CENPF: variants seen among roughly 807,000 people sequenced by gnomAD.
The protein encoded by CENPF is AH antigen.
A neutral mutation model predicts 307.3 loss-of-function variants in CENPF; 214 were observed. That is an observed-to-expected ratio of 0.70 (90% CI 0.62 to 0.78). The LOEUF (loss-of-function observed/expected upper bound fraction) is 0.78, where lower values mean the gene tolerates loss of function less well. Ranked by LOEUF, CENPF falls within the 30% of genes least tolerant of loss-of-function variation. CENPF has a pLI of 0.00. For synonymous variants in CENPF, 1,259 were observed against 1,270.6 expected (o/e 0.99, Z 0.19); for missense variants, 3,401 against 3,483.9 (o/e 0.98, Z 0.60).
chr1:214,646,024 C>T lies in CENPF; in HGVS notation c.6454C>T (p.Leu2152Phe). ...LKERERENDS[L>F]KDKVENLERE... Reference sequence around the variant, plus strand: ...AGAACGCGAGCGGGAGAATGATTCACTTAAGGATAAAGTTGAGAACCTTGA... The same window carrying T: ...AGAACGCGAGCGGGAGAATGATTCATTTAAGGATAAAGTTGAGAACCTTGA... The change falls in exon 13 of 20, where the codon CTT becomes TTT. Residue 2152 changes from leucine to phenylalanine, a missense_variant. Transcript: ENST00000366955. 6.2e-7 allele frequency: 1 copy of T among 1,614,076 alleles called. No homozygotes were observed. Among genetic ancestry groups the T allele is most frequent in the Non-Finnish European group, 8.5e-7 (1 of 1,180,040 alleles).
At position 214,630,532 on chromosome 1, in the gene CENPF, A is replaced by G. The variant is rs1571707321; in HGVS notation, c.1195-2A>G. On this transcript the variant is annotated splice_acceptor_variant, in intron 8 of 19. Coordinates refer to ENST00000366955, the MANE Select transcript of CENPF (RefSeq NM_016343.4). LOFTEE classifies it high-confidence loss of function. ...CTGATGCACCTGCCCTTTGTTTTTC[A>G]GGAGCTCTCCCGTCAACAGCGTTCT... 6.2e-7 allele frequency: 1 copy of G among 1,613,934 alleles called. No individual in the cohort carries two copies. Among genetic ancestry groups the G allele is most frequent in the South Asian group, 1.1e-5 (1 of 91,042 alleles).
At chr1:214,637,611 G>A (rs1657997396) in intron 10 of CENPF, among the ~76,000 whole-genome samples, 1 of 152,084 alleles carries the variant, frequency 6.6e-6, no homozygotes, top group African/African-American at 2.4e-5. Context: ...ATAGGCGTAT[G>A]AACAATGAGA....
Position 214,646,879 on chromosome 1 carries a change from A to G in CENPF, c.7309A>G (p.Ser2437Gly). The change falls in exon 13 of 20, where the codon AGC becomes GGC. Residue 2437 changes from serine (S) to glycine (G), a missense_variant. Physicochemically the swap from Ser to Gly is moderately conservative, Grantham distance 56 (BLOSUM62 0). Transcript: ENST00000366955. ...GAAAGTACAGATGAAAGAAAAATCA[A>G]GCACTGCCATGGAGATGCTTCAAAC... ...QEKVQMKEKS[S>G]TAMEMLQTQL... The G allele has an allele frequency of 1.9e-6, 3 of 1,613,854 alleles. No individual in the cohort carries two copies. The highest frequency in any genetic ancestry group is 2.5e-6 in the Non-Finnish European group (3 of 1,179,928).
intron 1 of CENPF, among the ~76,000 whole-genome samples, chr1:214,609,199 C>A (rs555189204): frequency 6.6e-6 from 1 of 152,276 alleles, no homozygotes; most frequent in South Asian, 2.1e-4. Context: ...GCCGCAGCTC[C>A]CCCCGAAGAA....
intron 3 of CENPF, among the ~76,000 whole-genome samples, chr1:214,615,893 C>T (rs1212216414): frequency 2.0e-5 from 3 of 151,882 alleles, no homozygotes; most frequent in African/African-American, 4.8e-5. Flanking sequence ...GAGCCGAGTT[C>T]GTGCCATATC....
chr1:214,607,964 C>T (rs1357682098), intron 1 of CENPF, among the ~76,000 whole-genome samples: 1 of 152,188 alleles, frequency 6.6e-6, no homozygotes, highest in Non-Finnish European at 1.5e-5. Context: ...GCCGATGGGG[C>T]CCCAGCCACA....
At chr1:214,620,978 CTT>C (rs1424076257) in intron 6 of CENPF, 32 bp downstream of exon 6, 1 of 1,560,528 alleles carries the variant, frequency 6.4e-7, no homozygotes, top group Non-Finnish European at 8.7e-7. Flanking sequence ...TTTAAATTCA[CTT>C]TGCTTGAGGT....
Position 214,642,121 on chromosome 1 carries a change from T to G in CENPF, c.3783T>G (p.Leu1261=). Residue 1261 remains leucine (L), a synonymous_variant, in exon 12 of 20, where the codon CTT becomes CTG. Transcript: ENST00000366955. The stretch of plus-strand genomic sequence containing the variant: ...TGCAGTCACAAGAAATTAGTGGCCT[T>G]AAAGACTGTGAAATAGATGCGGAAG... The part of the protein sequence containing the change: ...QDMQSQEISG[L]KDCEIDAEEK... 1.2e-6 allele frequency: 2 copies of G among 1,613,810 alleles called. No homozygotes were observed. The highest frequency in any genetic ancestry group is 1.7e-6 in the Non-Finnish European group (2 of 1,179,926).
At position 214,645,192 on chromosome 1, in the gene CENPF, A is replaced by C. The variant is rs376264816; in HGVS notation, c.5622A>C (p.Ala1874=). ...TCAATTCTGATTTAGAAATGCATGC[A>C]GATAAATCATCACGTGAAGATATTG... ...EGLNSDLEMH[A]DKSSREDIGD... Residue 1874 remains alanine (A), a synonymous_variant, in exon 13 of 20, where the codon GCA becomes GCC. Coordinates refer to ENST00000366955, the MANE Select transcript of CENPF (RefSeq NM_016343.4). 1.2e-5 allele frequency: 19 copies of C among 1,613,928 alleles called. No individual in the cohort carries two copies. In the African/African-American group the frequency reaches 2.4e-4, roughly 20 times the overall value.
chr1:214,642,778 T>C lies in CENPF; in HGVS notation c.4440T>C (p.Cys1480=). 6.2e-7 allele frequency: 1 copy of C among 1,614,028 alleles called. No homozygotes were observed. The highest frequency in any genetic ancestry group is 1.1e-5 in the South Asian group (1 of 91,066). ...TCGTTCCATCCCTGTCATCCTCTTG[T>C]GTGCCTGACAGCTCTAGTCTTAGCA... ...EGLVPSLSSS[C]VPDSSSLSSL... The change falls in exon 12 of 20, where the codon TGT becomes TGC. Residue 1480 remains cysteine, a synonymous_variant. Coordinates refer to ENST00000366955, the MANE Select transcript of CENPF (RefSeq NM_016343.4).
chr1:214,613,618 A>C, intron 1 of CENPF, 96 bp from the exon 2 acceptor site: 1 of 866,960 alleles, frequency 1.2e-6, no homozygotes, highest in Non-Finnish European at 1.7e-6. Context: ...TGGTCTTGAA[A>C]CTTGATTTTT....
chr1:214,632,718 T>C (rs1657844423), intron 10 of CENPF, 116 bp downstream of exon 10: 6 of 1,215,464 alleles, frequency 4.9e-6, no homozygotes, highest in African/African-American at 1.5e-5. Flanking sequence ...CTTTTTCTTT[T>C]CTATTCACCA....
chr1:214,621,690 T>C (rs748252980), intron 6 of CENPF, among the ~76,000 whole-genome samples: 4 of 152,348 alleles, frequency 2.6e-5, no homozygotes, highest in Non-Finnish European at 5.9e-5. Context: ...TGCTTAGCAC[T>C]GATTTGCATT....
At chr1:214,615,070 G>T in intron 3 of CENPF, 42 bp downstream of exon 3, 1 of 1,340,300 alleles carries the variant, frequency 7.5e-7, no homozygotes, top group Non-Finnish European at 1.0e-6. Context: ...ATATTTGTAT[G>T]TATTAATCAG....
chr1:214,643,258 A>G lies in CENPF; in HGVS notation c.4920A>G (p.Val1640=). 6.4e-7 allele frequency: 1 copy of G among 1,574,720 alleles called. No individual in the cohort carries two copies. The highest frequency in any genetic ancestry group is 8.6e-7 in the Non-Finnish European group (1 of 1,165,136). ...QTEQLSLELE[V]ARLQLQGLDL... ...AACAACTGTCACTTGAGCTGGAAGT[A>G]GCACGACTCCAGCTACAAGGTCTGG... is the stretch of plus-strand genomic sequence containing the variant. The change falls in exon 12 of 20, where the codon GTA becomes GTG. Residue 1640 remains valine (V), a synonymous_variant. Transcript: ENST00000366955.
At chr1:214,627,576 A>G (rs1254094540) in intron 7 of CENPF, among the ~76,000 whole-genome samples, 1 of 151,564 alleles carries the variant, frequency 6.6e-6, no homozygotes, top group Non-Finnish European at 1.5e-5. Context: ...GGGTTTCACC[A>G]TGTTGGCCAG....
chr1:214,611,551 A>G (rs924057145), intron 1 of CENPF, among the ~76,000 whole-genome samples: 2 of 152,216 alleles, frequency 1.3e-5, no homozygotes, highest in South Asian at 4.2e-4. Flanking sequence ...TTTTTAGTAG[A>G]GATGGGGTTT....
In CENPF at chr1:214,606,018, C is replaced by T. The variant is rs535324109; in HGVS notation, c.-42+2697C>T. The T allele has an allele frequency of 4.5e-4, 714 of 1,596,532 alleles. 2 individuals are homozygous for T. The African/African-American group carries it at 8.6e-3, about 19-fold the overall frequency. ...CACTCGTAGCGCGAGGCCAGGTCCA[C>T]GGTGGGCACCGTGCCGATGCTCTGC... On this transcript the variant is annotated intron_variant, in intron 1 of 19. Coordinates refer to ENST00000366955, the MANE Select transcript of CENPF (RefSeq NM_016343.4).
chr1:214,622,743 A>AGAAAAAGGCCAGGCACCCGTGGTTT (rs1558174130), intron 7 of CENPF, among the ~76,000 whole-genome samples: 33 of 131,172 alleles, frequency 2.5e-4, no homozygotes, highest in African/African-American at 1.2e-3. Context: ...AGGGGGAAAA[A>AGAAAAAGGCCAGGCACCCGTGGTTT]AGATCGTATA....
Sources: gnomAD v4.1 joint callset for allele counts (sites outside exome capture counted in the v4.1 genomes callset) on GRCh38, gnomAD v4.1.1 for gene constraint, MANE v1.5 for transcripts, NCBI Gene and HGNC (gene_info 2026-07-23, HGNC 2026-07-21) for gene names.